SLC25A21: variants seen among roughly 807,000 people sequenced by gnomAD.
SLC25A21 encodes the protein mitochondrial 2-oxodicarboxylate carrier.
A neutral mutation model predicts 43.8 loss-of-function variants in SLC25A21; 47 were observed. The observed-to-expected ratio is 1.07, with a 90% CI of 0.85 to 1.37. SLC25A21 has a LOEUF of 1.37. SLC25A21 is among the 40% of genes most tolerant of loss of function. SLC25A21 has a pLI of 0.00. For synonymous variants in SLC25A21, 131 were observed against 121.3 expected, an observed-to-expected ratio of 1.08 and a Z score of -0.52; for missense variants, 352 against 350.2, an observed-to-expected ratio of 1.00 and a Z score of -0.04.
chr14:36,979,323 G>GTTT (rs145296225), intron 1 of SLC25A21, among the ~76,000 whole-genome samples: 26,411 of 123,568 alleles, frequency 0.21, 2,573 homozygotes, highest in African/African-American at 0.32. Flanking sequence ...TTAAGGTAGT[G>GTTT]TTTTTTTGGT....
chr14:36,718,709 T>A (rs1288103840), intron 6 of SLC25A21, among the ~76,000 whole-genome samples: 1 of 152,096 alleles, frequency 6.6e-6, no homozygotes, highest in Non-Finnish European at 1.5e-5. Flanking sequence ...TGTAGAGCTA[T>A]ATTTATTGGT....
At chr14:37,100,060 TTTC>T (rs1039591729) in intron 1 of SLC25A21, among the ~76,000 whole-genome samples, 90 of 151,320 alleles carry the variant, frequency 5.9e-4, no homozygotes, top group African/African-American at 2.0e-3. Context: ...GTTTGTTTGT[TTTC>T]TTTTGTTTTT....
chr14:36,735,263 G>GA (rs1884984792), intron 3 of SLC25A21, among the ~76,000 whole-genome samples: 2 of 151,352 alleles, frequency 1.3e-5, no homozygotes, highest in East Asian at 1.9e-4. Context: ...GATATTTTTA[G>GA]AAAAAAAACA....
chr14:36,865,373 C>A (rs1353222514), intron 2 of SLC25A21, among the ~76,000 whole-genome samples: 1 of 152,068 alleles, frequency 6.6e-6, no homozygotes, highest in Non-Finnish European at 1.5e-5. Flanking sequence ...TCGCTCCTTT[C>A]CCATCCTCTG....
intron 1 of SLC25A21, among the ~76,000 whole-genome samples, chr14:36,978,306 G>A (rs1187633981): frequency 6.6e-6 from 1 of 152,130 alleles, no homozygotes; most frequent in Non-Finnish European, 1.5e-5. Context: ...ACACAAATTT[G>A]TTGGTTTCCC....
At chr14:36,957,382 C>T (rs1959368190) in intron 1 of SLC25A21, among the ~76,000 whole-genome samples, 1 of 152,198 alleles carries the variant, frequency 6.6e-6, no homozygotes, top group African/African-American at 2.4e-5. Context: ...CAGCTGGAAC[C>T]CTGAGTTCCA....
intron 1 of SLC25A21, among the ~76,000 whole-genome samples, chr14:36,964,651 C>T (rs1024636671): frequency 6.6e-6 from 1 of 152,130 alleles, no homozygotes; most frequent in African/African-American, 2.4e-5. Context: ...GGTACCTTGT[C>T]AACACTCAAA....
chr14:36,689,331 A>G (rs1175162092), intron 7 of SLC25A21, among the ~76,000 whole-genome samples: 2 of 152,222 alleles, frequency 1.3e-5, no homozygotes, highest in Non-Finnish European at 2.9e-5. Context: ...TGTGGGAATT[A>G]TGGGAACTTT....
chr14:37,003,223 G>A (rs1328278665), intron 1 of SLC25A21, among the ~76,000 whole-genome samples: 2 of 152,130 alleles, frequency 1.3e-5, no homozygotes, highest in Non-Finnish European at 2.9e-5. Context: ...TGTAATAAAA[G>A]CTATGTGAAT....
intron 1 of SLC25A21, among the ~76,000 whole-genome samples, chr14:37,088,489 T>C (rs1241418810): frequency 2.0e-5 from 3 of 152,232 alleles, no homozygotes; most frequent in Non-Finnish European, 4.4e-5. Flanking sequence ...TCTGTCAGAC[T>C]AAGTCTCCAA....
intron 1 of SLC25A21, among the ~76,000 whole-genome samples, chr14:37,094,675 C>T (rs1017477427): frequency 4.0e-5 from 6 of 151,536 alleles, no homozygotes; most frequent in South Asian, 4.2e-4. Context: ...GATACACACA[C>T]GTGACTCTAG....
intron 3 of SLC25A21, among the ~76,000 whole-genome samples, chr14:36,782,952 TA>T (rs59393457): frequency 0.24 from 29,268 of 119,918 alleles, 3,318 homozygotes; most frequent in East Asian, 0.44. Context: ...TAAAGTATAA[TA>T]AAAAAATATA....
At chr14:37,147,098 C>T (rs1963679570) in intron 1 of SLC25A21, among the ~76,000 whole-genome samples, 1 of 152,138 alleles carries the variant, frequency 6.6e-6, no homozygotes, top group African/African-American at 2.4e-5. Flanking sequence ...CCCTCTAGAA[C>T]TCCTTCACCC....
chr14:37,093,092 A>G (rs1257702200), intron 1 of SLC25A21, among the ~76,000 whole-genome samples: 1 of 152,192 alleles, frequency 6.6e-6, no homozygotes, highest in Non-Finnish European at 1.5e-5. Context: ...TGGATGTAAA[A>G]TAATAAACAG....
intron 1 of SLC25A21, among the ~76,000 whole-genome samples, chr14:37,171,136 GAGGGGT>G (rs1964120878): frequency 7.4e-6 from 1 of 135,980 alleles, no homozygotes; most frequent in African/African-American, 2.7e-5. Flanking sequence ...GAGGGGAGGG[GAGGGGT>G]GGGGAGGGGA....
intron 1 of SLC25A21, among the ~76,000 whole-genome samples, chr14:36,938,875 T>C (rs1196554404): frequency 6.6e-6 from 1 of 152,056 alleles, no homozygotes; most frequent in Non-Finnish European, 1.5e-5. Context: ...GAAATCTATA[T>C]TTCTTATTGC....
rs1961372075 is a variant in SLC25A21 at position 37,038,276 on chromosome 14, G to GT, written c.70+134004dup. Among the ~76,000 whole-genome samples, 3 of 152,056 alleles carry GT rather than the reference G, an allele frequency of 2.0e-5. No homozygotes were observed. The South Asian group carries it at 6.2e-4, about 32-fold the overall frequency. On this transcript the variant is annotated intron_variant, in intron 1 of 9. Coordinates refer to ENST00000331299, the MANE Select transcript of SLC25A21 (RefSeq NM_030631.4). Reference sequence around the variant, plus strand: ...CTCAGAGTTTCTGAGGTGACATAAGGTATACCTACCTTATATTTGTTGGTA... The same window carrying GT: ...CTCAGAGTTTCTGAGGTGACATAAGGTTATACCTACCTTATATTTGTTGGTA...
intron 4 of SLC25A21, among the ~76,000 whole-genome samples, chr14:36,733,557 T>G (rs965224843): frequency 6.6e-6 from 1 of 152,242 alleles, no homozygotes; most frequent in South Asian, 2.1e-4. Context: ...TTTATCATAA[T>G]TTTTAATCCA....
rs377716634 is a variant in SLC25A21, at chr14:37,137,159, A to G, written c.70+35122T>C. On this transcript the variant is annotated intron_variant, in intron 1 of 9. Transcript: ENST00000331299. ...ACTACAGGCGCCCGCCACCTCGCCC[A>G]GCTAATTTTTTGTATTTTTAGTAGA... is the stretch of plus-strand genomic sequence containing the variant. Among the ~76,000 whole-genome samples, 25 of 152,138 alleles carry G rather than the reference A, an allele frequency of 1.6e-4. No homozygotes were observed. In the South Asian group the frequency reaches 2.1e-3, roughly 13 times the overall value.
Sources: gnomAD v4.1 joint callset for allele counts (sites outside exome capture counted in the v4.1 genomes callset) on GRCh38, gnomAD v4.1.1 for gene constraint, MANE v1.5 for transcripts, NCBI Gene and HGNC (gene_info 2026-07-23, HGNC 2026-07-21) for gene names.